Variants in NELL2 observed in about 807,000 individuals in gnomAD.
The protein encoded by NELL2 is protein kinase C-binding protein NELL2.
A neutral mutation model predicts 109.6 loss-of-function variants in NELL2; 41 were observed. The observed-to-expected ratio is 0.37, with a 90% CI of 0.29 to 0.49. The LOEUF is 0.49. Among genes scored for constraint, NELL2 ranks in the 20% least tolerant of loss-of-function variants. NELL2 has a pLI of 0.98. For synonymous variants in NELL2, 355 were observed against 344.7 expected (o/e 1.03, Z -0.33); for missense variants, 900 against 1,008.3 (o/e 0.89, Z 1.45).
chr12:44,513,981 A>G (rs1447344827), intron 19 of NELL2, among the ~76,000 whole-genome samples: 2 of 151,526 alleles, frequency 1.3e-5, no homozygotes, highest in Non-Finnish European at 3.0e-5. Flanking sequence ...ACCTAAGTGC[A>G]TCATAGTCAA....
chr12:44,518,194 G>C (rs1455371519), intron 19 of NELL2, among the ~76,000 whole-genome samples: 1 of 151,288 alleles, frequency 6.6e-6, no homozygotes, highest in Non-Finnish European at 1.5e-5. Context: ...CAAAAGCTGA[G>C]AGATTATAGT....
At chr12:44,721,995 A>C (rs1938799454) in intron 9 of NELL2, among the ~76,000 whole-genome samples, 1 of 152,108 alleles carries the variant, frequency 6.6e-6, no homozygotes, top group Non-Finnish European at 1.5e-5. Flanking sequence ...GACAAGCGGA[A>C]GGAATGGCAC....
At chr12:44,637,938 T>A (rs1946706301) in intron 13 of NELL2, among the ~76,000 whole-genome samples, 1 of 151,972 alleles carries the variant, frequency 6.6e-6, no homozygotes, top group African/African-American at 2.4e-5. Flanking sequence ...TACACATTGG[T>A]CCAACCTGTT....
chr12:44,853,445 T>G (rs1944589037), intron 2 of NELL2, among the ~76,000 whole-genome samples: 1 of 152,150 alleles, frequency 6.6e-6, no homozygotes, highest in Non-Finnish European at 1.5e-5. Context: ...GACTGAACAA[T>G]TCCTCCTTTG....
Position 44,724,714 on chromosome 12 carries a change from A to G in NELL2, c.995-9973T>C, listed in dbSNP as rs1592403919. On this transcript the variant is annotated intron_variant, in intron 9 of 19. Transcript: ENST00000429094. ...TTTACATATTCAGTGGTATTCCTAT[A>G]AAACTACCAATGACATTCTTCACAG... Among the ~76,000 whole-genome samples the G allele has an allele frequency of 2.6e-5, 4 of 151,978 alleles. No homozygotes were observed. In the South Asian group the frequency reaches 8.3e-4, roughly 32 times the overall value.
intron 7 of NELL2, among the ~76,000 whole-genome samples, chr12:44,776,650 G>A (rs1182298443): frequency 6.6e-6 from 1 of 152,166 alleles, no homozygotes; most frequent in Admixed American, 6.5e-5. Context: ...TCCTAGAACT[G>A]TAACATAGTG....
chr12:44,738,477 TAAAAAA>T (rs78566142), intron 9 of NELL2, among the ~76,000 whole-genome samples: 15 of 142,838 alleles, frequency 1.1e-4, no homozygotes, highest in African/African-American at 3.0e-4. Context: ...TTATTTATCT[TAAAAAA>T]AAAAAAAGAA....
chr12:44,514,529 T>G (rs1941162298), intron 19 of NELL2, among the ~76,000 whole-genome samples: 1 of 151,132 alleles, frequency 6.6e-6, no homozygotes, highest in African/African-American at 2.4e-5. Context: ...AATTATATTT[T>G]ATTATTAGTT....
intron 2 of NELL2, among the ~76,000 whole-genome samples, chr12:44,859,858 C>T (rs865853284): frequency 6.6e-6 from 1 of 152,160 alleles, no homozygotes; most frequent in Non-Finnish European, 1.5e-5. Context: ...AAAATCAAGG[C>T]AGTGTTCCTC....
chr12:44,717,939 T>G (rs73278114), intron 9 of NELL2, among the ~76,000 whole-genome samples: 21,788 of 152,084 alleles, frequency 0.14, 2,439 homozygotes, highest in African/African-American at 0.31. Context: ...ATGGGAGTGT[T>G]GGGTGCCCAG....
intron 15 of NELL2, among the ~76,000 whole-genome samples, chr12:44,587,346 T>G (rs1944564714): frequency 6.9e-6 from 1 of 145,886 alleles, no homozygotes; most frequent in Non-Finnish European, 1.5e-5. Context: ...CATTTGTCCC[T>G]ATTCAGAATG....
chr12:44,523,255 G>C, intron 17 of NELL2, 36 bp downstream of exon 17: 1 of 1,607,496 alleles, frequency 6.2e-7, no homozygotes, highest in South Asian at 1.1e-5. Context: ...AATTACAACT[G>C]AATAAAATTA....
intron 3 of NELL2, among the ~76,000 whole-genome samples, chr12:44,813,087 G>A (rs1012137421): frequency 6.6e-6 from 1 of 152,144 alleles, no homozygotes; most frequent in African/African-American, 2.4e-5. Flanking sequence ...TACAGAGGGG[G>A]ACAATTGAAG....
At chr12:44,511,732 C>T (rs1050424246) in intron 19 of NELL2, among the ~76,000 whole-genome samples, 8 of 152,140 alleles carry the variant, frequency 5.3e-5, no homozygotes, top group Non-Finnish European at 5.9e-5. Context: ...TGAAGCAGTG[C>T]GTCAGATCTG....
At chr12:44,816,678 G>C (rs1943362236) in intron 2 of NELL2, among the ~76,000 whole-genome samples, 1 of 152,176 alleles carries the variant, frequency 6.6e-6, no homozygotes, top group Non-Finnish European at 1.5e-5. Context: ...TCAGCCTTCT[G>C]TGCAGTGGAA....
chr12:44,673,247 G>A (rs911796361), intron 12 of NELL2, among the ~76,000 whole-genome samples: 14 of 152,126 alleles, frequency 9.2e-5, no homozygotes, highest in African/African-American at 3.4e-4. Flanking sequence ...GATATTTACA[G>A]GCATAAAAAT....
chr12:44,750,821 G>A (rs996302786), intron 9 of NELL2, among the ~76,000 whole-genome samples: 3 of 152,080 alleles, frequency 2.0e-5, no homozygotes, highest in Non-Finnish European at 4.4e-5. Context: ...GGTTGTGAAT[G>A]CAATTAAGTT....
At chr12:44,560,914 G>A (rs548766283) in intron 15 of NELL2, among the ~76,000 whole-genome samples, 4 of 152,136 alleles carry the variant, frequency 2.6e-5, no homozygotes, top group African/African-American at 4.8e-5. Flanking sequence ...CAGTGAACCC[G>A]GATGCAAAAA....
chr12:44,631,237 T>A (rs1465653321), intron 13 of NELL2, among the ~76,000 whole-genome samples: 2 of 147,534 alleles, frequency 1.4e-5, no homozygotes, highest in Non-Finnish European at 3.0e-5. Context: ...TATATATAAA[T>A]AATATATATA....
Sources: gnomAD v4.1 joint callset for allele counts (sites outside exome capture counted in the v4.1 genomes callset) on GRCh38, gnomAD v4.1.1 for gene constraint, MANE v1.5 for transcripts, NCBI Gene and HGNC (gene_info 2026-07-23, HGNC 2026-07-21) for gene names.